Variants in RADX observed in about 807,000 individuals in gnomAD.
RADX encodes the protein RPA1 related single stranded DNA binding protein, X-linked, also known as RPA-related protein RADX.
RADX carries 36 observed loss-of-function variants against 61.6 expected under a neutral mutation model. The observed-to-expected ratio is 0.58, with a 90% CI of 0.45 to 0.77. The LOEUF is 0.77. Ranked by LOEUF, RADX falls within the 30% of genes least tolerant of loss-of-function variation. The probability of loss-of-function intolerance (pLI) is 0.00; values close to 1 mark genes in which losing one functional copy is unlikely to be tolerated. For synonymous variants in RADX, 272 were observed against 237.9 expected (o/e 1.14, Z -1.32); for missense variants, 497 against 651.1 (o/e 0.76, Z 2.58).
intron 10 of RADX, among the ~76,000 whole-genome samples, chrX:106,645,134 T>A (rs894721314): frequency 9.0e-6 from 1 of 111,165 alleles, no homozygotes; most frequent in African/African-American, 3.3e-5. Context: ...CATTTCTAAT[T>A]TAATTTATTT....
intron 11 of RADX, among the ~76,000 whole-genome samples, chrX:106,650,346 A>AGGCAGTT (rs941837247): frequency 9.0e-6 from 1 of 110,815 alleles, no homozygotes; most frequent in African/African-American, 3.3e-5. Flanking sequence ...GTCTAGACAA[A>AGGCAGTT]GGCAGTTGTG....
At chrX:106,654,906 T>G (rs920264978) in intron 11 of RADX, among the ~76,000 whole-genome samples, 1 of 111,422 alleles carries the variant, frequency 9.0e-6, no homozygotes, top group Non-Finnish European at 1.9e-5. Context: ...TTTTAAAACA[T>G]TCAATCCAAG....
At chrX:106,618,459 T>TGGG (rs2147610429) in intron 1 of RADX, among the ~76,000 whole-genome samples, 1 of 110,684 alleles carries the variant, frequency 9.0e-6, no homozygotes, top group Non-Finnish European at 1.9e-5. Context: ...ACAATGCTAT[T>TGGG]GGTACAGAGA....
intron 1 of RADX, among the ~76,000 whole-genome samples, chrX:106,621,231 T>A (rs1603035777): frequency 8.9e-6 from 1 of 112,256 alleles, no homozygotes; most frequent in East Asian, 2.8e-4. Flanking sequence ...ATTGGGAGAA[T>A]CTGGAAGGAA....
Position 106,663,760 on chromosome X carries a change from A to C in RADX, c.2269+1455A>C, listed in dbSNP as rs1928162674. Among the ~76,000 whole-genome samples, 4 of 111,738 alleles carry C rather than the reference A, an allele frequency of 3.6e-5. No homozygotes were observed. In the Admixed American group the frequency reaches 3.8e-4, roughly 11 times the overall value. On this transcript the variant is annotated intron_variant, in intron 12 of 13. Transcript: ENST00000372548. ...CATAAATATATACACTTATATACCC[A>C]CAACATTAAAAATTAAAAAGGTAAC... is the stretch of plus-strand genomic sequence containing the variant.
intron 2 of RADX, among the ~76,000 whole-genome samples, chrX:106,624,889 T>C (rs755905533): frequency 9.0e-6 from 1 of 111,640 alleles, no homozygotes; most frequent in African/African-American, 3.3e-5. Context: ...TCCAAATACT[T>C]TCCACCTCAA....
At position 106,675,325 on chromosome X, in the gene RADX, C is replaced by G. The variant is rs61441296; in HGVS notation, c.2438-2803C>G. Among the ~76,000 whole-genome samples the G allele has an allele frequency of 4.2e-4, 47 of 112,394 alleles. No homozygotes were observed. In the East Asian group the frequency reaches 7.6e-3, roughly 18 times the overall value. ...GACTATGCTCAATTACAAAGCAACT[C>G]TAAAGTCACAGACACTTTAACTCAA... is the stretch of plus-strand genomic sequence containing the variant. On this transcript the variant is annotated intron_variant, in intron 13 of 13. Transcript: ENST00000372548.
intron 13 of RADX, among the ~76,000 whole-genome samples, chrX:106,672,305 C>G (rs991788006): frequency 3.6e-5 from 4 of 111,705 alleles, no homozygotes; most frequent in African/African-American, 1.3e-4. Flanking sequence ...CCATTCTCCC[C>G]TCTCCCAATC....
chrX:106,674,911 C>A, intron 13 of RADX, among the ~76,000 whole-genome samples: 1 of 109,493 alleles, frequency 9.1e-6, no homozygotes, highest in East Asian at 2.9e-4. Context: ...GTAGTCCCAG[C>A]TACTCAGGAG....
chrX:106,624,999 C>A, intron 2 of RADX, 91 bp from the exon 3 acceptor site: 3 of 505,306 alleles, frequency 5.9e-6, no homozygotes, highest in Non-Finnish European at 9.0e-6. Context: ...TATTTTCCAT[C>A]ACTCTAAATG....
chrX:106,644,553 G>A (rs946153118), intron 10 of RADX, among the ~76,000 whole-genome samples: 7 of 110,768 alleles, frequency 6.3e-5, no homozygotes, highest in African/African-American at 2.0e-4. Flanking sequence ...CCTTTTTTCT[G>A]TTGATATGGT....
chrX:106,622,531 A>G, intron 1 of RADX, 120 bp from the exon 2 acceptor site: 1 of 569,749 alleles, frequency 1.8e-6, no homozygotes, highest in African/African-American at 2.3e-5. Flanking sequence ...GGCAAGGTTT[A>G]GCTGGCAAGA....
rs745421533 is a variant in RADX at position 106,640,583 on chromosome X, C to T, written c.1766C>T (p.Ala589Val). 3 of 1,199,597 alleles carry T rather than the reference C, an allele frequency of 2.5e-6. No individual in the cohort carries two copies. The highest frequency in any genetic ancestry group is 2.2e-6 in the Non-Finnish European group (2 of 889,152). ...NANRPSTSQA[A>V]RVEIQERNGK... The stretch of plus-strand genomic sequence containing the variant: ...AACAGACCCTCGACCTCTCAAGCAG[C>T]TAGAGTAGAAATTCAAGAAAGAAAT... The change falls in exon 10 of 14, where the codon GCT becomes GTT. Residue 589 changes from alanine (A) to valine (V), a missense_variant. Coordinates refer to ENST00000372548, the MANE Select transcript of RADX (RefSeq NM_018015.6).
chrX:106,623,456 T>G (rs1312530788), intron 2 of RADX, among the ~76,000 whole-genome samples: 1 of 111,928 alleles, frequency 8.9e-6, no homozygotes, highest in Non-Finnish European at 1.9e-5. Context: ...CATTAAACTT[T>G]TATTATGAAA....
At chrX:106,638,639 A>G (rs113345117) in intron 8 of RADX, 1 of 112,467 alleles carries the variant, frequency 8.9e-6, no homozygotes, top group Non-Finnish European at 1.9e-5. Flanking sequence ...GGAATTTTGC[A>G]TTAGGGAAGC....
Position 106,662,024 on chromosome X carries a change from A to C in RADX, c.1988A>C (p.Asn663Thr). 1 of 1,209,589 alleles carries C rather than the reference A, an allele frequency of 8.3e-7. No homozygotes were observed. ...GMPSIFNRRA[N>T]INANLQGKAR... is the part of the protein sequence containing the mutation. ...CTTGTGTCTTTAACAGGTCGAGCAA[A>C]TATAAATGCTAATCTGCAAGGGAAA... Residue 663 changes from asparagine (N) to threonine (T), a missense_variant, in exon 12 of 14, where the codon AAT (asparagine) becomes ACT (threonine). Physicochemically the swap from Asn to Thr is moderately conservative, Grantham distance 65 (BLOSUM62 0). This residue lies in a region of RADX where 267 missense variants were observed against 306.9 expected (regional missense o/e 0.87). Transcript: ENST00000372548.
At chrX:106,637,556 G>A (rs186086214) in intron 7 of RADX, among the ~76,000 whole-genome samples, 251 of 111,785 alleles carry the variant, frequency 2.2e-3, no homozygotes, top group African/African-American at 8.0e-3. Flanking sequence ...CTAATACACA[G>A]TGTGTCTGAT....
At chrX:106,631,006 A>C (rs1214128444) in intron 3 of RADX, among the ~76,000 whole-genome samples, 2 of 112,420 alleles carry the variant, frequency 1.8e-5, no homozygotes, top group African/African-American at 6.5e-5. Context: ...AAGAGTTAGA[A>C]ATTATAACTT....
chrX:106,663,237 T>C (rs1928147699), intron 12 of RADX, among the ~76,000 whole-genome samples: 1 of 111,806 alleles, frequency 8.9e-6, no homozygotes, highest in Non-Finnish European at 1.9e-5. Context: ...TTGACCTTTA[T>C]CAAGATTCTC....
Sources: gnomAD v4.1 joint callset for allele counts (sites outside exome capture counted in the v4.1 genomes callset) on GRCh38, gnomAD v4.1.1 for gene constraint, gnomAD v4.1.1 regional missense constraint, MANE v1.5 for transcripts, NCBI Gene and HGNC (gene_info 2026-07-23, HGNC 2026-07-21) for gene names.